SYT16: variants seen among roughly 807,000 people sequenced by gnomAD.
SYT16 encodes synaptotagmin-16.
Under a neutral mutation model 61.4 loss-of-function variants are expected in SYT16, and 42 were observed. The observed-to-expected ratio is 0.68, with a 90% CI of 0.53 to 0.89. The LOEUF is 0.89. SYT16 is among the 40% of genes least tolerant of loss of function. The probability of loss-of-function intolerance (pLI) is 0.00; values close to 1 mark genes in which losing one functional copy is unlikely to be tolerated. For synonymous variants in SYT16, 314 were observed against 302.3 expected, an observed-to-expected ratio of 1.04 and a Z score of -0.40; for missense variants, 804 against 807.3, an observed-to-expected ratio of 1.00 and a Z score of 0.05.
intron 3 of SYT16, among the ~76,000 whole-genome samples, chr14:62,029,394 A>G (rs1255131793): frequency 6.6e-6 from 1 of 152,210 alleles, no homozygotes; most frequent in African/African-American, 2.4e-5. Context: ...GCCATGTTTC[A>G]TGCTGGGAAT....
intron 7 of SYT16, among the ~76,000 whole-genome samples, chr14:62,088,290 A>G (rs180922934): frequency 6.6e-6 from 1 of 152,364 alleles, no homozygotes; most frequent in East Asian, 1.9e-4. Context: ...AATTAAATGT[A>G]GGCATTCAAC....
intron 2 of SYT16, among the ~76,000 whole-genome samples, chr14:61,990,320 T>C (rs898116808): frequency 6.6e-6 from 1 of 152,166 alleles, no homozygotes; most frequent in African/African-American, 2.4e-5. Flanking sequence ...GTTTTATAGG[T>C]GACACAAGAA....
intron 5 of SYT16, among the ~76,000 whole-genome samples, chr14:62,078,155 C>CTCTATATATATA (rs766089633): frequency 2.4e-4 from 33 of 136,000 alleles, no homozygotes; most frequent in African/African-American, 8.6e-4. Context: ...CTCTCTCTCT[C>CTCTATATATATA]TATATATATA....
At position 61,996,130 on chromosome 14, in the gene SYT16, T is replaced by C. The variant is rs1322469581; in HGVS notation, c.111T>C (p.Ala37=). The C allele has an allele frequency of 6.2e-7, 1 of 1,613,254 alleles. No homozygotes were observed. Among genetic ancestry groups the C allele is most frequent in the Non-Finnish European group, 8.5e-7 (1 of 1,179,542 alleles). The part of the protein sequence containing the change: ...ALQQAGDMLS[A]SLVNISKQDS... ...AGCAAGCAGGAGATATGTTATCTGC[T>C]TCGCTGGTTAACATAAGCAAACAAG... Residue 37 remains alanine (A), a synonymous_variant, in exon 3 of 8, where the codon GCT becomes GCC. Transcript: ENST00000683842.
chr14:62,047,684 AG>A (rs1176898608), intron 3 of SYT16, among the ~76,000 whole-genome samples: 7 of 152,148 alleles, frequency 4.6e-5, no homozygotes, highest in East Asian at 1.9e-4. Context: ...TTTACCATGA[AG>A]GGTTGTTAAA....
In SYT16 at chr14:62,107,358, G is replaced by C. The variant is rs1327135519; in HGVS notation, c.*6651G>C. On this transcript the variant is annotated 3_prime_UTR_variant, in exon 8 of 8. Coordinates refer to ENST00000683842, the MANE Select transcript of SYT16 (RefSeq NM_001367656.1). ...TGAGGTGGGAGGATTGCTTGAACCT[G>C]TGAGGTCAAGGCTGCAGTGAGCCGG... 6.6e-6 allele frequency: 1 copy of C among 152,126 alleles called. No homozygotes were observed. Among genetic ancestry groups the C allele is most frequent in the Non-Finnish European group, 1.5e-5 (1 of 68,124 alleles). 9.4% of individuals were successfully genotyped at this position (152,126 alleles called of 1,614,324 possible). A position where few individuals can be genotyped will look rare whatever the true frequency, so the allele number is the denominator to read the frequency against.
chr14:62,076,694 T>C (rs1392190198), intron 5 of SYT16, among the ~76,000 whole-genome samples: 2 of 152,176 alleles, frequency 1.3e-5, no homozygotes, highest in Admixed American at 6.5e-5. Flanking sequence ...AAACTCTGCT[T>C]ACCCGTTAGT....
At chr14:61,930,657 G>T in intron 1 of SYT16, among the ~76,000 whole-genome samples, 1 of 151,876 alleles carries the variant, frequency 6.6e-6, no homozygotes, top group East Asian at 1.9e-4. Context: ...CATGACAATG[G>T]GTAATTAAAC....
intron 1 of SYT16, among the ~76,000 whole-genome samples, chr14:61,832,687 C>A (rs2045979229): frequency 6.6e-6 from 1 of 152,200 alleles, no homozygotes; most frequent in Non-Finnish European, 1.5e-5. Flanking sequence ...ATCCGCCCAC[C>A]TCGGCCTCTC....
In SYT16 at chr14:62,100,630, G is replaced by A. The variant is rs2057398530; in HGVS notation, c.1861G>A (p.Glu621Lys). The change falls in exon 8 of 8, where the codon GAA becomes AAA. Residue 621 changes from glutamate to lysine, a missense_variant. Coordinates refer to ENST00000683842, the MANE Select transcript of SYT16 (RefSeq NM_001367656.1). ...ALGQNSSGEEEQDHWEEMKET... is the reference protein window; with the variant it reads ...ALGQNSSGEEKQDHWEEMKET... ...GGGCCAGAACAGCAGTGGAGAGGAGGAACAAGATCACTGGGAGGAGATGAA... is the reference window on the plus strand; with the variant it reads ...GGGCCAGAACAGCAGTGGAGAGGAGAAACAAGATCACTGGGAGGAGATGAA... 1 of 1,613,700 alleles carries A rather than the reference G, an allele frequency of 6.2e-7. No individual in the cohort carries two copies. The highest frequency in any genetic ancestry group is 1.1e-5 in the South Asian group (1 of 91,074).
intron 1 of SYT16, among the ~76,000 whole-genome samples, chr14:61,858,877 C>T (rs1393257641): frequency 1.4e-5 from 2 of 142,122 alleles, no homozygotes; most frequent in African/African-American, 2.7e-5. Flanking sequence ...TTTTTTGAGA[C>T]GGAGTCTCAC....
intron 1 of SYT16, among the ~76,000 whole-genome samples, chr14:61,948,775 A>G (rs1036145109): frequency 6.6e-6 from 1 of 152,222 alleles, no homozygotes; most frequent in African/African-American, 2.4e-5. Flanking sequence ...AAGATCATAA[A>G]AACTTTGTGA....
chr14:62,112,806 G>A (rs1258407980), downstream of SYT16, among the ~76,000 whole-genome samples: 1 of 152,128 alleles, frequency 6.6e-6, no homozygotes, highest in Admixed American at 6.5e-5. Context: ...CAGTTCAAAT[G>A]CTGACTTGAA....
intron 3 of SYT16, among the ~76,000 whole-genome samples, chr14:62,016,416 G>A (rs898228920): frequency 6.6e-6 from 1 of 151,964 alleles, no homozygotes; most frequent in African/African-American, 2.4e-5. Context: ...GGCATTGGCC[G>A]GGTGTGGTGG....
chr14:61,922,202 A>G (rs2049358800), intron 1 of SYT16, among the ~76,000 whole-genome samples: 1 of 152,242 alleles, frequency 6.6e-6, no homozygotes, highest in Non-Finnish European at 1.5e-5. Flanking sequence ...AAAGAAATAG[A>G]AATCATTCTA....
chr14:61,966,422 A>G (rs544099203), intron 1 of SYT16, among the ~76,000 whole-genome samples: 1 of 152,184 alleles, frequency 6.6e-6, no homozygotes, highest in South Asian at 2.1e-4. Context: ...ATTTTCTAAT[A>G]TTTTCCAAAC....
intron 1 of SYT16, among the ~76,000 whole-genome samples, chr14:61,899,960 C>T (rs1415570367): frequency 6.6e-6 from 1 of 152,118 alleles, no homozygotes; most frequent in African/African-American, 2.4e-5. Context: ...AAATGACTGA[C>T]ATAAGGCAAG....
chr14:62,091,583 G>C (rs968999354), intron 7 of SYT16, among the ~76,000 whole-genome samples: 2 of 152,176 alleles, frequency 1.3e-5, no homozygotes, highest in Admixed American at 6.5e-5. Flanking sequence ...TGACAAGGCT[G>C]CCGAGACCAT....
chr14:61,874,433 T>C (rs1033404896), intron 1 of SYT16, among the ~76,000 whole-genome samples: 11 of 152,162 alleles, frequency 7.2e-5, no homozygotes, highest in Admixed American at 7.2e-4. Context: ...TGGATTTTTT[T>C]ATATGAGGGG....
Sources: allele counts gnomAD v4.1 joint callset (sites outside exome capture counted in the v4.1 genomes callset), GRCh38; gene constraint gnomAD v4.1.1; transcripts MANE v1.5; gene names NCBI Gene and HGNC (gene_info 2026-07-23, HGNC 2026-07-21).